Variants in TMEFF1 observed in about 807,000 individuals in gnomAD.
TMEFF1 encodes tomoregulin-1.
In TMEFF1, 20 loss-of-function variants were observed where a neutral mutation model predicts 47.5. The ratio of observed to expected loss-of-function variants is 0.42; its 90% CI spans 0.30 to 0.61. The LOEUF (loss-of-function observed/expected upper bound fraction) is 0.61, where lower values mean the gene tolerates loss of function less well. TMEFF1 is among the 20% of genes least tolerant of loss of function. The pLI, the probability that TMEFF1 is intolerant of heterozygous loss-of-function variation, is 0.19. For synonymous variants in TMEFF1, 162 were observed against 166.3 expected (o/e 0.97, Z 0.20); for missense variants, 411 against 471.1 (o/e 0.87, Z 1.18).
intron 1 of TMEFF1, among the ~76,000 whole-genome samples, chr9:100,475,494 T>A (rs1288220178): frequency 6.6e-6 from 1 of 152,206 alleles, no homozygotes; most frequent in Non-Finnish European, 1.5e-5. Flanking sequence ...ATATTAATTA[T>A]CAAACTTGTA....
In TMEFF1 at chr9:100,502,203, C is replaced by G. The variant is rs186885471; in HGVS notation, c.306+3329C>G. The stretch of plus-strand genomic sequence containing the variant: ...CAGGAACAATAGATTCCAAAGAACT[C>G]TATATTTTAAAGAAGTTATCCTAAT... On this transcript the variant is annotated intron_variant, in intron 2 of 9. Transcript: ENST00000374879. Among the ~76,000 whole-genome samples the G allele has an allele frequency of 1.5e-4, 23 of 152,036 alleles. 1 individual carries two copies. The highest frequency in any genetic ancestry group is 1.3e-3 in the Admixed American group (20 of 15,260).
In TMEFF1 at chr9:100,473,561, C is replaced by A; in HGVS notation, c.17C>A (p.Ala6Asp). Residue 6 changes from alanine to aspartate, a missense_variant, in exon 1 of 10, where the codon GCT (alanine) becomes GAT (aspartate). Transcript: ENST00000374879. The surrounding 1 kb of genome is among the most constrained non-coding windows in gnomAD (Gnocchi z 5.4). MGAAA[A>D]EAPLRLPAAP... ...GCACCAGTCATGGGCGCCGCAGCCG[C>A]TGAGGCGCCGCTCCGGCTGCCTGCC... The A allele has an allele frequency of 1.3e-6, 2 of 1,534,276 alleles. No individual in the cohort carries two copies. The highest frequency in any genetic ancestry group is 1.8e-6 in the Non-Finnish European group (2 of 1,142,776).
At chr9:100,486,117 TTGTTA>T (rs1359635395) in intron 1 of TMEFF1, among the ~76,000 whole-genome samples, 1 of 152,152 alleles carries the variant, frequency 6.6e-6, no homozygotes, top group Non-Finnish European at 1.5e-5. Context: ...CCTTTTTTCT[TTGTTA>T]TAAGAGCAGT....
At chr9:100,481,747 A>G (rs1837341101) in intron 1 of TMEFF1, among the ~76,000 whole-genome samples, 1 of 152,048 alleles carries the variant, frequency 6.6e-6, no homozygotes, top group Non-Finnish European at 1.5e-5. Flanking sequence ...TAGCCTGCAC[A>G]GGTTTTTTGT....
rs1837165249 is a variant in TMEFF1, at chr9:100,473,750, G to A, written c.196+10G>A. On this transcript the variant is annotated intron_variant, in intron 1 of 9. Coordinates refer to ENST00000374879, the MANE Select transcript of TMEFF1 (RefSeq NM_003692.5). The surrounding 1 kb of genome is among the most constrained non-coding windows in gnomAD (Gnocchi z 5.4). Reference sequence around the variant, plus strand: ...AGCATCAACTGCTCAGGTAGGACCGGTCGGAGCCGGCCCTAGGTCTTCCCA... The same window carrying A: ...AGCATCAACTGCTCAGGTAGGACCGATCGGAGCCGGCCCTAGGTCTTCCCA... The A allele has an allele frequency of 1.3e-6, 2 of 1,502,308 alleles. No homozygotes were observed. Among genetic ancestry groups the A allele is most frequent in the Non-Finnish European group, 1.8e-6 (2 of 1,120,942 alleles). The allele number at this position is 1,502,308 out of a possible 1,614,324, so 93.1% of individuals were successfully genotyped here.
chr9:100,552,601 A>G (rs1838844858), intron 7 of TMEFF1, among the ~76,000 whole-genome samples: 1 of 152,202 alleles, frequency 6.6e-6, no homozygotes, highest in African/African-American at 2.4e-5. Context: ...ACAAGAATGA[A>G]TGAGAGAGAG....
intron 5 of TMEFF1, among the ~76,000 whole-genome samples, chr9:100,525,449 C>T (rs1838236991): frequency 6.6e-6 from 1 of 151,918 alleles, no homozygotes. Flanking sequence ...AAATGATCAG[C>T]CAGATGAAGA....
chr9:100,484,223 T>C (rs1211550119), intron 1 of TMEFF1, among the ~76,000 whole-genome samples: 1 of 152,162 alleles, frequency 6.6e-6, no homozygotes, highest in East Asian at 1.9e-4. Context: ...TGTGCTACCC[T>C]CCATCATCAT....
At chr9:100,498,629 A>T (rs1263271521) in intron 1 of TMEFF1, 136 bp from the exon 2 acceptor site, 1 of 675,196 alleles carries the variant, frequency 1.5e-6, no homozygotes, top group East Asian at 2.8e-5. Flanking sequence ...TTGTATAGTT[A>T]TGTCTTATTA....
chr9:100,513,680 G>A (rs1486248051), intron 4 of TMEFF1, among the ~76,000 whole-genome samples: 1 of 152,056 alleles, frequency 6.6e-6, no homozygotes, highest in African/African-American at 2.4e-5. Flanking sequence ...ATACTAAGGG[G>A]AAGATGTTGT....
chr9:100,506,073 G>T (rs1482831014), intron 2 of TMEFF1, among the ~76,000 whole-genome samples: 10 of 152,178 alleles, frequency 6.6e-5, no homozygotes, highest in Admixed American at 5.9e-4. Context: ...GTAAGATTCT[G>T]CTGATACTGA....
intron 8 of TMEFF1, among the ~76,000 whole-genome samples, chr9:100,571,280 A>G: frequency 6.6e-6 from 1 of 152,208 alleles, no homozygotes; most frequent in East Asian, 1.9e-4. Flanking sequence ...AAATATAGAA[A>G]AGCGCATATT....
chr9:100,553,429 GA>G (rs1838861760), intron 7 of TMEFF1, among the ~76,000 whole-genome samples: 1 of 152,192 alleles, frequency 6.6e-6, no homozygotes, highest in Admixed American at 6.5e-5. Flanking sequence ...GCTACAAAAT[GA>G]AAAGCAGGAA....
In TMEFF1 at chr9:100,477,620, C is replaced by CTTTTT. The variant is rs869245620; in HGVS notation, c.196+3899_196+3903dup. 1.9e-4 allele frequency among the ~76,000 whole-genome samples: 20 copies of CTTTTT among 106,738 alleles called. 1 individual carries two copies. Among genetic ancestry groups the CTTTTT allele is most frequent in the East Asian group, 2.9e-4 (1 of 3,422 alleles). The allele number at this position is 106,738 out of a possible 152,430, so 70.0% of individuals were successfully genotyped here. ...ATGTTTTTCTGGATCTGCATTCCGC[C>CTTTTT]TTTTTTTTTTTTTTTTTTTTTTTGA... On this transcript the variant is annotated intron_variant, in intron 1 of 9. Transcript: ENST00000374879.
intron 5 of TMEFF1, among the ~76,000 whole-genome samples, chr9:100,542,923 CTTTTTT>C (rs34994276): frequency 1.1e-4 from 11 of 104,586 alleles, no homozygotes; most frequent in African/African-American, 3.9e-4. Context: ...CTCTCTCTCT[CTTTTTT>C]TTTTTTTTTT....
intron 1 of TMEFF1, among the ~76,000 whole-genome samples, chr9:100,493,196 G>A (rs1472077038): frequency 6.6e-6 from 1 of 152,084 alleles, no homozygotes; most frequent in Non-Finnish European, 1.5e-5. Flanking sequence ...ACAACCTCCA[G>A]TGTACAGGAT....
chr9:100,516,856 G>T (rs1838083746), intron 5 of TMEFF1, 85 bp downstream of exon 5: 2 of 1,471,028 alleles, frequency 1.4e-6, no homozygotes, highest in Non-Finnish European at 1.8e-6. Flanking sequence ...CATTTACCTG[G>T]TTCTGTATCT....
intron 5 of TMEFF1, among the ~76,000 whole-genome samples, chr9:100,539,286 C>T (rs1263255469): frequency 6.6e-6 from 1 of 152,184 alleles, no homozygotes; most frequent in Non-Finnish European, 1.5e-5. Flanking sequence ...GTCAGAATGC[C>T]TGTTTTCCAA....
chr9:100,481,634 G>C (rs769336690), intron 1 of TMEFF1, among the ~76,000 whole-genome samples: 11 of 152,176 alleles, frequency 7.2e-5, no homozygotes, highest in Non-Finnish European at 1.3e-4. Context: ...TATGGTTTTA[G>C]AAAACAAAGT....
Sources: allele counts gnomAD v4.1 joint callset (sites outside exome capture counted in the v4.1 genomes callset), GRCh38; gene constraint gnomAD v4.1.1; non-coding constraint Gnocchi (gnomAD v3.1); transcripts MANE v1.5; gene names NCBI Gene and HGNC (gene_info 2026-07-23, HGNC 2026-07-21).